The following ARMC9 variants were observed in gnomAD, a reference collection of about 807,000 sequenced individuals.
ARMC9 encodes the protein lisH domain-containing protein ARMC9.
In ARMC9, 94 loss-of-function variants were observed where a neutral mutation model predicts 107.0. The ratio of observed to expected loss-of-function variants is 0.88; its 90% confidence interval spans 0.74 to 1.04. The LOEUF (loss-of-function observed/expected upper bound fraction) is 1.04, where lower values mean the gene tolerates loss of function less well. Ranked by LOEUF, ARMC9 falls within the 50% of genes least tolerant of loss-of-function variation. The pLI is 0.00. For missense variants in ARMC9, 942 were observed against 1,030.1 expected, an observed-to-expected ratio of 0.91 and a Z score of 1.17; for synonymous variants, 380 against 396.9, an observed-to-expected ratio of 0.96 and a Z score of 0.51.
At chr2:231,288,860 T>C in intron 17 of ARMC9, 1 of 365,096 alleles carries the variant, frequency 2.7e-6, no homozygotes, top group Non-Finnish European at 5.6e-6. Flanking sequence ...ACATGACAAA[T>C]TGTTTTCTTT....
intron 19 of ARMC9, among the ~76,000 whole-genome samples, chr2:231,327,593 C>G (rs1669070): frequency 2.0e-4 from 30 of 152,078 alleles, no homozygotes; most frequent in Non-Finnish European, 3.4e-4. Flanking sequence ...AGGGCATCTA[C>G]TGTTTCCAGT....
At chr2:231,351,326 G>C (rs1269815603) in intron 21 of ARMC9, among the ~76,000 whole-genome samples, 1 of 151,900 alleles carries the variant, frequency 6.6e-6, no homozygotes, top group African/African-American at 2.4e-5. Context: ...AGAGAACCTG[G>C]ATCTGCAGCA....
At chr2:231,318,413 T>TA (rs1276952726) in intron 19 of ARMC9, among the ~76,000 whole-genome samples, 12 of 152,332 alleles carry the variant, frequency 7.9e-5, no homozygotes, top group African/African-American at 2.9e-4. Flanking sequence ...CCCACACTGT[T>TA]AGCTTCCTCT....
chr2:231,240,767 C>T (rs1241949428), intron 9 of ARMC9, among the ~76,000 whole-genome samples: 1 of 152,162 alleles, frequency 6.6e-6, no homozygotes, highest in Non-Finnish European at 1.5e-5. Flanking sequence ...TTCCCGTCCT[C>T]TGGTCATCTA....
At chr2:231,263,444 G>A (rs1050991664) in intron 12 of ARMC9, among the ~76,000 whole-genome samples, 34 of 152,372 alleles carry the variant, frequency 2.2e-4, no homozygotes, top group African/African-American at 7.9e-4. Flanking sequence ...GCAAGTCAGA[G>A]AATGGGGGTC....
At chr2:231,224,649 A>G (rs1252623955) in intron 6 of ARMC9, among the ~76,000 whole-genome samples, 1 of 152,252 alleles carries the variant, frequency 6.6e-6, no homozygotes, top group African/African-American at 2.4e-5. Context: ...ATGCTGAAAT[A>G]TAGCAGGTAA....
At chr2:231,345,993 A>G (rs781461478) in intron 21 of ARMC9, among the ~76,000 whole-genome samples, 6 of 152,144 alleles carry the variant, frequency 3.9e-5, no homozygotes, top group Non-Finnish European at 8.8e-5. Flanking sequence ...GGCAAGACAG[A>G]CCCAGCTCCT....
At chr2:231,357,221 C>T (rs1420239323) in intron 22 of ARMC9, among the ~76,000 whole-genome samples, 1 of 152,210 alleles carries the variant, frequency 6.6e-6, no homozygotes, top group Non-Finnish European at 1.5e-5. Context: ...GGGCACCCAC[C>T]AGGACACTCA....
intron 8 of ARMC9, among the ~76,000 whole-genome samples, chr2:231,236,165 G>A (rs1270132915): frequency 2.6e-5 from 4 of 152,140 alleles, no homozygotes; most frequent in Non-Finnish European, 4.4e-5. Flanking sequence ...TGAGGGGCAC[G>A]TGCCCTGCTG....
intron 12 of ARMC9, among the ~76,000 whole-genome samples, chr2:231,263,691 T>C (rs931940821): frequency 2.6e-5 from 4 of 152,264 alleles, no homozygotes; most frequent in African/African-American, 7.2e-5. Context: ...ATCTGAGTTT[T>C]GAGTTGCCAG....
chr2:231,274,433 G>C (rs973741013), intron 14 of ARMC9, among the ~76,000 whole-genome samples: 1 of 152,102 alleles, frequency 6.6e-6, no homozygotes, highest in African/African-American at 2.4e-5. Context: ...CATTTTGTTT[G>C]TCCTTCAGTT....
chr2:231,357,873 C>G (rs187962689), intron 22 of ARMC9, among the ~76,000 whole-genome samples: 51 of 152,284 alleles, frequency 3.3e-4, no homozygotes, highest in Non-Finnish European at 5.6e-4. Context: ...GCCTGGCCCT[C>G]TTAGTCTCCT....
intron 14 of ARMC9, 32 bp downstream of exon 14, chr2:231,273,110 C>T (rs979080633): frequency 6.3e-7 from 1 of 1,593,814 alleles, no homozygotes; most frequent in Non-Finnish European, 8.5e-7. Context: ...ACGGTGTCTC[C>T]TGTGAGATCA....
At chr2:231,224,533 A>G (rs535111804) in intron 6 of ARMC9, among the ~76,000 whole-genome samples, 4 of 152,394 alleles carry the variant, frequency 2.6e-5, no homozygotes, top group Middle Eastern at 3.4e-3. Flanking sequence ...TATAACTTGT[A>G]TGAAACAGTC....
At chr2:231,341,675 TAGAG>T (rs1303752692) in intron 20 of ARMC9, among the ~76,000 whole-genome samples, 2 of 149,932 alleles carry the variant, frequency 1.3e-5, no homozygotes, top group East Asian at 1.9e-4. Flanking sequence ...GATAGATAGA[TAGAG>T]TATACCTGTA....
At chr2:231,281,499 G>A (rs2040217066) in intron 16 of ARMC9, among the ~76,000 whole-genome samples, 1 of 152,128 alleles carries the variant, frequency 6.6e-6, no homozygotes, top group African/African-American at 2.4e-5. Context: ...TGGGCTCTAT[G>A]GAAGGTTTCG....
intron 7 of ARMC9, among the ~76,000 whole-genome samples, chr2:231,229,803 G>A (rs1176774664): frequency 2.0e-5 from 3 of 152,068 alleles, no homozygotes; most frequent in Admixed American, 2.0e-4. Context: ...TTCATAGTGG[G>A]TGAGAAAAAC....
chr2:231,370,243 G>A (rs2045965379), intron 24 of ARMC9, 118 bp downstream of exon 24: 4 of 1,184,762 alleles, frequency 3.4e-6, no homozygotes, highest in Admixed American at 6.6e-5. Flanking sequence ...CAGGCCAGAA[G>A]GGCAGAAGGC....
intron 4 of ARMC9, 67 bp from the exon 5 acceptor site, chr2:231,216,571 G>T: frequency 6.5e-7 from 1 of 1,532,040 alleles, no homozygotes; most frequent in Middle Eastern, 1.9e-4. Flanking sequence ...TCAGAGAGAG[G>T]ATGGGGTGAG....
Sources: allele counts gnomAD v4.1 joint callset (sites outside exome capture counted in the v4.1 genomes callset), GRCh38; gene constraint gnomAD v4.1.1; transcripts MANE v1.5; gene names NCBI Gene and HGNC (gene_info 2026-07-23, HGNC 2026-07-21).